Variants in TSHZ3 observed in about 807,000 individuals in gnomAD.
TSHZ3 encodes the protein teashirt homolog 3.
Under a neutral mutation model 64.5 loss-of-function variants are expected in TSHZ3, and 10 were observed. The ratio of observed to expected loss-of-function variants is 0.16; its 90% confidence interval spans 0.10 to 0.26. The LOEUF (loss-of-function observed/expected upper bound fraction) is 0.26. Ranked by LOEUF, TSHZ3 falls within the 10% of genes least tolerant of loss-of-function variation. The pLI is 1.00. For synonymous variants in TSHZ3, 608 were observed against 593.1 expected (o/e 1.03, Z -0.36); for missense variants, 1,242 against 1,421.7 (o/e 0.87, Z 2.03).
chr19:31,205,921 CTA>C (rs1975161019), intron 4 of TSHZ3, among the ~76,000 whole-genome samples: 1 of 152,140 alleles, frequency 6.6e-6, no homozygotes, highest in Admixed American at 6.5e-5. Flanking sequence ...TGGGGAAATT[CTA>C]GAGATACATG....
intron 1 of TSHZ3, among the ~76,000 whole-genome samples, chr19:31,329,229 TA>T (rs1235810423): frequency 6.6e-6 from 1 of 152,258 alleles, no homozygotes; most frequent in Non-Finnish European, 1.5e-5. Flanking sequence ...TTGTCAACCC[TA>T]ATTGTGTAAT....
At chr19:31,153,760 T>C (rs1483010297) in intron 6 of TSHZ3, among the ~76,000 whole-genome samples, 1 of 152,230 alleles carries the variant, frequency 6.6e-6, no homozygotes, top group Non-Finnish European at 1.5e-5. Context: ...AATGACTAAA[T>C]ATGTGCTTAA....
intron 4 of TSHZ3, among the ~76,000 whole-genome samples, chr19:31,206,477 A>G (rs925389398): frequency 3.9e-5 from 6 of 152,292 alleles, no homozygotes; most frequent in East Asian, 1.9e-4. Flanking sequence ...ATTTTGGGAG[A>G]AAGGAAAGTC....
intron 6 of TSHZ3, among the ~76,000 whole-genome samples, chr19:31,155,125 C>G (rs749912495): frequency 2.0e-5 from 3 of 152,204 alleles, no homozygotes; most frequent in African/African-American, 7.2e-5. Context: ...GCAGAGCTAG[C>G]GAACCAATCA....
chr19:31,307,500 CACGG>C (rs1029268937), intron 1 of TSHZ3, among the ~76,000 whole-genome samples: 13 of 151,636 alleles, frequency 8.6e-5, no homozygotes, highest in Non-Finnish European at 1.9e-4. Context: ...CAGCACGCGG[CACGG>C]GGCTGGTGTT....
chr19:31,177,529 C>T (rs977678058), intron 5 of TSHZ3, among the ~76,000 whole-genome samples: 12 of 152,214 alleles, frequency 7.9e-5, no homozygotes, highest in African/African-American at 2.9e-4. Flanking sequence ...CTCTGCATGC[C>T]TTTGGGTCTC....
intron 1 of TSHZ3, among the ~76,000 whole-genome samples, chr19:31,248,433 C>T (rs1231698472): frequency 2.6e-5 from 4 of 152,214 alleles, no homozygotes; most frequent in Admixed American, 6.5e-5. Context: ...TTGCAGCAAG[C>T]AACCAGGGTC....
At chr19:31,306,087 G>C (rs1555736073) in intron 1 of TSHZ3, among the ~76,000 whole-genome samples, 1 of 152,232 alleles carries the variant, frequency 6.6e-6, no homozygotes, top group Non-Finnish European at 1.5e-5. Context: ...AAATGTCAAA[G>C]TTGAGTGCCA....
At chr19:31,227,867 C>T (rs1394524094) in intron 4 of TSHZ3, among the ~76,000 whole-genome samples, 1 of 152,178 alleles carries the variant, frequency 6.6e-6, no homozygotes, top group Non-Finnish European at 1.5e-5. Flanking sequence ...ACCTTGGAAT[C>T]ATCTTGGACA....
intron 4 of TSHZ3, chr19:31,207,611 A>C (rs1052582449): frequency 6.6e-6 from 1 of 152,206 alleles, no homozygotes; most frequent in Non-Finnish European, 1.5e-5. Flanking sequence ...TAACATGTCT[A>C]ATATTACAAT....
chr19:31,263,524 C>T (rs1379790969), intron 1 of TSHZ3, among the ~76,000 whole-genome samples: 2 of 152,236 alleles, frequency 1.3e-5, no homozygotes, highest in Non-Finnish European at 2.9e-5. Context: ...CCCCGTCCTG[C>T]TGGTCAGGGC....
chr19:31,166,063 T>C (rs1430546625), intron 5 of TSHZ3, among the ~76,000 whole-genome samples: 1 of 152,200 alleles, frequency 6.6e-6, no homozygotes, highest in Non-Finnish European at 1.5e-5. Context: ...AAACGCTTTA[T>C]TACAGCGCCA....
chr19:31,281,875 G>A (rs1976367061), intron 1 of TSHZ3, among the ~76,000 whole-genome samples: 1 of 152,218 alleles, frequency 6.6e-6, no homozygotes, highest in Non-Finnish European at 1.5e-5. Flanking sequence ...AACAGCCGAG[G>A]TAGAATAACC....
chr19:31,178,166 C>T (rs965477143), intron 5 of TSHZ3, among the ~76,000 whole-genome samples: 2 of 152,150 alleles, frequency 1.3e-5, no homozygotes, highest in African/African-American at 4.8e-5. Flanking sequence ...TAGATATGAT[C>T]GTTCTTTTTG....
chr19:31,170,714 CA>C (rs1974524563), intron 5 of TSHZ3, among the ~76,000 whole-genome samples: 2 of 152,244 alleles, frequency 1.3e-5, no homozygotes, highest in African/African-American at 2.4e-5. Context: ...TGTTTCCCCA[CA>C]GGGGCCCTGT....
chr19:31,301,118 A>G (rs1976749222), intron 1 of TSHZ3, among the ~76,000 whole-genome samples: 1 of 152,072 alleles, frequency 6.6e-6, no homozygotes, highest in Non-Finnish European at 1.5e-5. Context: ...CTCGGCTACA[A>G]TAGGAGTGAT....
rs552389055 is a variant in TSHZ3, at chr19:31,209,580, G to T, written n.687-4502C>A. 2.0e-5 allele frequency among the ~76,000 whole-genome samples: 3 copies of T among 152,260 alleles called. No homozygotes were observed. The East Asian group carries it at 5.8e-4, about 29-fold the overall frequency. On this transcript the variant is annotated intron_variant and non_coding_transcript_variant, in intron 4 of 6. Transcript: ENST00000651361. ...AAGACCAGAGCCAGGCACTGAGAAG[G>T]TGTTCAATAAGCATTAATGATCTCA...
intron 1 of TSHZ3, among the ~76,000 whole-genome samples, chr19:31,309,252 C>A (rs944784995): frequency 6.6e-6 from 1 of 152,172 alleles, no homozygotes; most frequent in East Asian, 1.9e-4. Flanking sequence ...GCTAACCCAC[C>A]AGGGTGCGTG....
At chr19:31,346,414 T>C (rs1917593765) in intron 1 of TSHZ3, among the ~76,000 whole-genome samples, 1 of 152,234 alleles carries the variant, frequency 6.6e-6, no homozygotes, top group African/African-American at 2.4e-5. Flanking sequence ...CTAATTCTGC[T>C]GGATGACACT....
Sources: allele counts gnomAD v4.1 joint callset (sites outside exome capture counted in the v4.1 genomes callset), GRCh38; gene constraint gnomAD v4.1.1; transcripts MANE v1.5; gene names NCBI Gene and HGNC (gene_info 2026-07-23, HGNC 2026-07-21).